CTU2: variants seen among roughly 807,000 people sequenced by gnomAD.
CTU2 encodes the protein cytoplasmic tRNA 2-thiolation protein 2.
A neutral mutation model predicts 64.1 loss-of-function variants in CTU2; 80 were observed. The observed-to-expected ratio is 1.25, with a 90% CI of 1.04 to 1.50. The LOEUF is 1.50. CTU2 is among the 40% of genes most tolerant of loss of function. The pLI, the probability that CTU2 is intolerant of heterozygous loss-of-function variation, is 0.00. For missense variants in CTU2, 1,110 were observed against 690.2 expected, an observed-to-expected ratio of 1.61 and a Z score of -6.81; for synonymous variants, 482 against 285.3, an observed-to-expected ratio of 1.69 and a Z score of -6.95.
At chr16:88,707,672 T>C (rs1476725424) in intron 2 of CTU2, among the ~76,000 whole-genome samples, 1 of 152,202 alleles carries the variant, frequency 6.6e-6, no homozygotes, top group East Asian at 1.9e-4. Context: ...GCGCTTGTCA[T>C]GTCTTTCTTG....
At chr16:88,707,101 G>C in intron 1 of CTU2, 35 bp from the exon 2 acceptor site, 1 of 1,605,494 alleles carries the variant, frequency 6.2e-7, no homozygotes, top group Non-Finnish European at 8.5e-7. Flanking sequence ...GATGTGATCT[G>C]TGTTTCTCTC....
At position 88,712,349 on chromosome 16, in the gene CTU2, C is replaced by G; in HGVS notation, c.419C>G (p.Thr140Ser). Reference sequence around the variant, plus strand: ...GAAGTGAAGCCCATTCTGCAAGCAACTGGGTTCCCATGGCATGTGGTGGCC... The same window carrying G: ...GAAGTGAAGCCCATTCTGCAAGCAAGTGGGTTCCCATGGCATGTGGTGGCC... Reference protein sequence around the residue: ...LAEVKPILQATGFPWHVVALE... With the variant: ...LAEVKPILQASGFPWHVVALE... Residue 140 changes from threonine to serine, a missense_variant, in exon 6 of 15, where the codon ACT becomes AGT. By Grantham distance (58) the Thr-to-Ser change is moderately conservative (BLOSUM62 1). Transcript: ENST00000453996. The G allele has an allele frequency of 3.7e-6, 6 of 1,610,580 alleles. No homozygotes were observed. The highest frequency in any genetic ancestry group is 5.1e-6 in the Non-Finnish European group (6 of 1,178,380).
chr16:88,712,530 C>T lies in CTU2; in HGVS notation c.454-92C>T, dbSNP rs538403702. The T allele has an allele frequency of 1.1e-4, 173 of 1,526,538 alleles. No individual in the cohort carries two copies. The East Asian group carries it at 3.9e-3, about 34-fold the overall frequency. The allele number at this position is 1,526,538 out of a possible 1,614,324, so 94.6% of individuals were successfully genotyped here. On this transcript the variant is annotated intron_variant, in intron 6 of 14. Transcript: ENST00000453996. The stretch of plus-strand genomic sequence containing the variant: ...GGCACCTGCCCGTGCCCCAGCCTCA[C>T]TGCCGTCTCCCGCATCCCGGAAGGT...
chr16:88,712,605 C>T lies in CTU2; in HGVS notation c.454-17C>T, dbSNP rs191787763. The T allele has an allele frequency of 2.4e-4, 378 of 1,605,590 alleles. 1 individual carries two copies. Among genetic ancestry groups the T allele is most frequent in the Admixed American group, 1.0e-3 (60 of 59,368 alleles). The stretch of plus-strand genomic sequence containing the variant: ...CCCGTGTCCCGGGCCTCACTGGCGT[C>T]TCCCTCATCCCGGAAGGTGTTCAGC... On this transcript the variant is annotated splice_polypyrimidine_tract_variant and intron_variant, in intron 6 of 14. Transcript: ENST00000453996.
At chr16:88,711,470 G>A (rs1194375172) in intron 4 of CTU2, among the ~76,000 whole-genome samples, 165 bp from the exon 5 acceptor site, 2 of 152,212 alleles carry the variant, frequency 1.3e-5, no homozygotes, top group Non-Finnish European at 2.9e-5. Context: ...TACTGGGCCT[G>A]CCCGGCACCT....
chr16:88,712,900 C>G lies in CTU2; in HGVS notation c.732C>G (p.Thr244=). The G allele has an allele frequency of 6.6e-7, 1 of 1,517,092 alleles. No individual in the cohort carries two copies. 94.0% of individuals were successfully genotyped at this position (1,517,092 alleles called of 1,614,324 possible). The change falls in exon 7 of 15, where the codon ACC becomes ACG. Residue 244 remains threonine (T), a synonymous_variant. Coordinates refer to ENST00000453996, the MANE Select transcript of CTU2 (RefSeq NM_001012759.3). ...CTGCCAAGGAGGAGCTTCTGCAGAC[C>G]CTGCGGTGAGGCCCCGAGAGCCCCC... The part of the protein sequence containing the change: ...TLTAKEELLQ[T]LRTHLILHMA...
rs536542259 is a variant in CTU2 at position 88,714,713 on chromosome 16, G to C, written c.1328G>C (p.Arg443Pro). Reference protein sequence around the residue: ...CCSPGVGWAQRCGQGACRRED... With the variant: ...CCSPGVGWAQPCGQGACRRED... Reference sequence around the variant, plus strand: ...TCTCCAGGGGTGGGCTGGGCCCAGCGCTGTGGCCAGGGGGCCTGCAGGAGG... The same window carrying C: ...TCTCCAGGGGTGGGCTGGGCCCAGCCCTGTGGCCAGGGGGCCTGCAGGAGG... Residue 443 changes from arginine to proline, a missense_variant, in exon 12 of 15, where the codon CGC (arginine) becomes CCC (proline). Physicochemically the swap from Arg to Pro is moderately radical, Grantham distance 103. Coordinates refer to ENST00000453996, the MANE Select transcript of CTU2 (RefSeq NM_001012759.3). The C allele has an allele frequency of 5.8e-5, 94 of 1,609,626 alleles. No individual in the cohort carries two copies. Among genetic ancestry groups the C allele is most frequent in the Non-Finnish European group, 7.4e-5 (87 of 1,178,410 alleles).
Position 88,706,583 on chromosome 16 carries a change from C to A in CTU2, c.53C>A (p.Pro18Gln). Reference protein sequence around the residue: ...YGEPAPEEPPPAPRPSREQKC... With the variant: ...YGEPAPEEPPQAPRPSREQKC... Reference sequence around the variant, plus strand: ...GAGCCGGCGCCTGAGGAGCCGCCCCCGGCGCCGCGGCCCAGGTAAGAGCTG... The same window carrying A: ...GAGCCGGCGCCTGAGGAGCCGCCCCAGGCGCCGCGGCCCAGGTAAGAGCTG... The change falls in exon 1 of 15, where the codon CCG becomes CAG. Residue 18 changes from proline (P) to glutamine (Q), a missense_variant. Coordinates refer to ENST00000453996, the MANE Select transcript of CTU2 (RefSeq NM_001012759.3). 1.4e-6 allele frequency: 2 copies of A among 1,453,228 alleles called. No homozygotes were observed. The highest frequency in any genetic ancestry group is 1.8e-6 in the Non-Finnish European group (2 of 1,109,850). 90.0% of individuals were successfully genotyped at this position (1,453,228 alleles called of 1,614,324 possible). A position where few individuals can be genotyped will look rare whatever the true frequency, so the allele number is the denominator to read the frequency against.
At chr16:88,707,645 C>G (rs1487474267) in intron 2 of CTU2, among the ~76,000 whole-genome samples, 1 of 152,152 alleles carries the variant, frequency 6.6e-6, no homozygotes, top group Non-Finnish European at 1.5e-5. Context: ...CTTGGAAGAC[C>G]TCTAGCTTTC....
Position 88,714,392 on chromosome 16 carries a change from G to A in CTU2, c.1107G>A (p.Glu369=), listed in dbSNP as rs1597434143. Residue 369 remains glutamate, a synonymous_variant, in exon 11 of 15, where the codon GAG becomes GAA. Transcript: ENST00000453996. Reference sequence around the variant, plus strand: ...CACAATCCGGCCACAGGACAAGTGAGAAGCTGGTGAAGGGCCCCCGGGATG... The same window carrying A: ...CACAATCCGGCCACAGGACAAGTGAAAAGCTGGTGAAGGGCCCCCGGGATG... The part of the protein sequence containing the change: ...STVSTVYRTS[E]KLVKGPRDGP... 1 of 1,612,504 alleles carries A rather than the reference G, an allele frequency of 6.2e-7. No homozygotes were observed. The highest frequency in any genetic ancestry group is 1.3e-5 in the African/African-American group (1 of 75,058).
intron 1 of CTU2, 51 bp downstream of exon 1, chr16:88,706,649 A>G (rs1910861959): frequency 1.6e-6 from 2 of 1,289,528 alleles, no homozygotes; most frequent in East Asian, 6.2e-5. Flanking sequence ...TTCCCGCCGC[A>G]CTCCTGCCCC....
chr16:88,712,054 C>G, intron 5 of CTU2: 1 of 681,460 alleles, frequency 1.5e-6, no homozygotes. Flanking sequence ...GACCCTTGCT[C>G]CTGCAGAACG....
chr16:88,713,081 G>A (rs8048498), intron 7 of CTU2, among the ~76,000 whole-genome samples, 176 bp downstream of exon 7: 95 of 518 alleles, frequency 0.18, 12 homozygotes, highest in South Asian at 0.42. Flanking sequence ...CCCCACTCAT[G>A]CCCGAGAGCC....
chr16:88,713,747 C>T lies in CTU2; in HGVS notation c.974C>T (p.Pro325Leu), dbSNP rs772251318. ...TTCTACAACCGCCTGTTCTCCGTTC[C>T]TTCTGTCTTCACACCAGCCGTCGAC... Reference protein sequence around the residue: ...VAFYNRLFSVPSVFTPAVDTK... With the variant: ...VAFYNRLFSVLSVFTPAVDTK... Residue 325 changes from proline (P) to leucine (L), a missense_variant, in exon 9 of 15, where the codon CCT (proline) becomes CTT (leucine). Pro to Leu is a moderately conservative substitution (Grantham distance 98, BLOSUM62 -3). Coordinates refer to ENST00000453996, the MANE Select transcript of CTU2 (RefSeq NM_001012759.3). 5.6e-6 allele frequency: 9 copies of T among 1,612,620 alleles called. No individual in the cohort carries two copies. Among genetic ancestry groups the T allele is most frequent in the African/African-American group, 4.0e-5 (3 of 74,942 alleles).
Position 88,713,766 on chromosome 16 carries a change from C to G in CTU2, c.993C>G (p.Ala331=), listed in dbSNP as rs528392088. The change falls in exon 9 of 15, where the codon GCC becomes GCG. Residue 331 remains alanine (A), a synonymous_variant. Transcript: ENST00000453996. ...CCGTTCCTTCTGTCTTCACACCAGC[C>G]GTCGACACCAAGGTGGGCCTTGTGG... The part of the protein sequence containing the change: ...LFSVPSVFTP[A]VDTKAPEKAS... 1.9e-6 allele frequency: 3 copies of G among 1,612,646 alleles called. No individual in the cohort carries two copies. Among genetic ancestry groups the G allele is most frequent in the Non-Finnish European group, 2.5e-6 (3 of 1,179,858 alleles).
rs555481094 is a variant in CTU2 at position 88,707,542 on chromosome 16, C to T, written c.143+332C>T. On this transcript the variant is annotated intron_variant, in intron 2 of 14. Coordinates refer to ENST00000453996, the MANE Select transcript of CTU2 (RefSeq NM_001012759.3). Reference sequence around the variant, plus strand: ...GGGGCAGCTGGAATACATCTAGGGGCGGATCAGAGCATCTTGGGAACTTGG... The same window carrying T: ...GGGGCAGCTGGAATACATCTAGGGGTGGATCAGAGCATCTTGGGAACTTGG... 1.4e-3 allele frequency among the ~76,000 whole-genome samples: 215 copies of T among 151,970 alleles called. 1 individual carries two copies. Among genetic ancestry groups the T allele is most frequent in the Non-Finnish European group, 2.6e-3 (180 of 67,984 alleles).
At position 88,715,060 on chromosome 16, in the gene CTU2, C is replaced by T; in HGVS notation, c.1432C>T (p.Pro478Ser). ...GCCTCTGTTGCAGCCCTCACTGGAC[C>T]CCCTGCCGCCGTACATCCTGGCTGA... The part of the protein sequence containing the change: ...VNMKDLPSLD[P>S]LPPYILAEAQ... The change falls in exon 14 of 15, where the codon CCC becomes TCC. Residue 478 changes from proline to serine, a missense_variant. Transcript: ENST00000453996. 4 of 1,571,658 alleles carry T rather than the reference C, an allele frequency of 2.5e-6. No individual in the cohort carries two copies. Among genetic ancestry groups the T allele is most frequent in the Non-Finnish European group, 2.6e-6 (3 of 1,157,528 alleles).
chr16:88,713,692 A>T lies in CTU2; in HGVS notation c.919A>T (p.Met307Leu), dbSNP rs1458751252. The T allele has an allele frequency of 6.2e-7, 1 of 1,612,580 alleles. No individual in the cohort carries two copies. Among genetic ancestry groups the T allele is most frequent in the Non-Finnish European group, 8.5e-7 (1 of 1,179,864 alleles). Residue 307 changes from methionine to leucine, a missense_variant, in exon 9 of 15, where the codon ATG becomes TTG. Met to Leu is a conservative substitution (Grantham distance 15). Coordinates refer to ENST00000453996, the MANE Select transcript of CTU2 (RefSeq NM_001012759.3). ...RHGDVVVVRP[M>L]RDHTLKEVAF... ...CGGGGACGTGGTGGTGGTGCGGCCCATGCGGGACCACACCCTGAAGGAGGT... is the reference window on the plus strand; with the variant it reads ...CGGGGACGTGGTGGTGGTGCGGCCCTTGCGGGACCACACCCTGAAGGAGGT...
intron 5 of CTU2, chr16:88,712,001 G>A (rs540263417): frequency 1.6e-5 from 10 of 611,718 alleles, no homozygotes; most frequent in African/African-American, 4.1e-5. Context: ...AGAAGGGCAA[G>A]TTAAGTGCTG....
Sources: allele counts gnomAD v4.1 joint callset (sites outside exome capture counted in the v4.1 genomes callset), GRCh38; gene constraint gnomAD v4.1.1; transcripts MANE v1.5; gene names NCBI Gene and HGNC (gene_info 2026-07-23, HGNC 2026-07-21).